The following SCCPDH variants were observed in gnomAD, a reference collection of about 807,000 sequenced individuals.
The protein encoded by SCCPDH is saccharopine dehydrogenase-like oxidoreductase.
SCCPDH carries 34 observed loss-of-function variants against 51.5 expected under a neutral mutation model. That is an observed-to-expected ratio of 0.66 (90% CI 0.50 to 0.88). The LOEUF is 0.88. Among genes scored for constraint, SCCPDH ranks in the 40% least tolerant of loss-of-function variants. The pLI is 0.00. For synonymous variants in SCCPDH, 187 were observed against 191.3 expected (o/e 0.98, Z 0.19); for missense variants, 464 against 527.1 (o/e 0.88, Z 1.17).
intron 5 of SCCPDH, among the ~76,000 whole-genome samples, chr1:246,748,907 G>A (rs1033495281): frequency 6.6e-6 from 1 of 152,208 alleles, no homozygotes; most frequent in Non-Finnish European, 1.5e-5. Context: ...ACCTGCTCGA[G>A]GATGAACAAG....
chr1:246,756,980 A>G (rs1419893643), intron 5 of SCCPDH, among the ~76,000 whole-genome samples: 1 of 152,238 alleles, frequency 6.6e-6, no homozygotes, highest in Non-Finnish European at 1.5e-5. Flanking sequence ...ATTATGTACA[A>G]TCAATATAAT....
chr1:246,735,136 C>T (rs753342974), intron 2 of SCCPDH, among the ~76,000 whole-genome samples: 16 of 152,186 alleles, frequency 1.1e-4, no homozygotes, highest in Non-Finnish European at 2.1e-4. Flanking sequence ...TCTTATACCA[C>T]TATCCTGTTT....
intron 2 of SCCPDH, among the ~76,000 whole-genome samples, chr1:246,732,338 G>A (rs1175593478): frequency 6.6e-6 from 1 of 152,004 alleles, no homozygotes; most frequent in Non-Finnish European, 1.5e-5. Context: ...TTAGGAAACT[G>A]AATTGATAAA....
chr1:246,750,486 G>A (rs1407310198), intron 5 of SCCPDH, among the ~76,000 whole-genome samples: 8 of 152,184 alleles, frequency 5.3e-5, no homozygotes, highest in Non-Finnish European at 8.8e-5. Flanking sequence ...CGAGTCTCTA[G>A]ACTAATTTGG....
At chr1:246,740,593 G>A (rs1210005144) in intron 4 of SCCPDH, among the ~76,000 whole-genome samples, 2 of 152,112 alleles carry the variant, frequency 1.3e-5, no homozygotes, top group African/African-American at 4.8e-5. Context: ...ATTCAAACTT[G>A]CTTTGTTTAG....
chr1:246,760,095 A>T lies in SCCPDH; in HGVS notation c.933+19A>T. ...CATAAAAGTAAGTAAGATTTTATGA[A>T]ATTAGATTATTTTTATTAGAAGTAT... is the stretch of plus-strand genomic sequence containing the variant. On this transcript the variant is annotated intron_variant, in intron 8 of 11. Coordinates refer to ENST00000366510, the MANE Select transcript of SCCPDH (RefSeq NM_016002.3). The T allele has an allele frequency of 1.2e-6, 2 of 1,601,378 alleles. No individual in the cohort carries two copies. The highest frequency in any genetic ancestry group is 1.7e-6 in the Non-Finnish European group (2 of 1,174,920).
At chr1:246,734,059 T>C (rs540309406) in intron 2 of SCCPDH, among the ~76,000 whole-genome samples, 1 of 152,198 alleles carries the variant, frequency 6.6e-6, no homozygotes, top group Non-Finnish European at 1.5e-5. Context: ...CTGTGAGGCT[T>C]ATTTACAATG....
chr1:246,726,996 G>C lies in SCCPDH; in HGVS notation c.295G>C (p.Val99Leu), dbSNP rs201201896. The C allele has an allele frequency of 6.2e-7, 1 of 1,602,106 alleles. No homozygotes were observed. The highest frequency in any genetic ancestry group is 1.1e-5 in the South Asian group (1 of 90,834). The change falls in exon 2 of 12, where the codon GTA (valine) becomes CTA (leucine). Residue 99 changes from valine to leucine, a missense_variant. Coordinates refer to ENST00000366510, the MANE Select transcript of SCCPDH (RefSeq NM_016002.3). Reference protein sequence around the residue: ...AKQATVVLNCVGPYRFYGEPV... With the variant: ...AKQATVVLNCLGPYRFYGEPV... ...ACAGGCAACAGTTGTCCTCAATTGC[G>C]TAGGACCAGTAAGTAATCAACCCTT... is the stretch of plus-strand genomic sequence containing the variant.
intron 5 of SCCPDH, among the ~76,000 whole-genome samples, chr1:246,756,790 G>T (rs1233093479): frequency 6.6e-6 from 1 of 152,178 alleles, no homozygotes; most frequent in Non-Finnish European, 1.5e-5. Flanking sequence ...AGGAAAACCT[G>T]AATCTTTGGA....
chr1:246,743,988 A>G (rs1398340262), intron 4 of SCCPDH, 88 bp from the exon 5 acceptor site: 1 of 744,634 alleles, frequency 1.3e-6, no homozygotes, highest in Non-Finnish European at 2.3e-6. Flanking sequence ...GCTAGTCCCT[A>G]AGTGAATACG....
At chr1:246,761,737 G>A (rs1669018613) in intron 9 of SCCPDH, among the ~76,000 whole-genome samples, 1 of 152,218 alleles carries the variant, frequency 6.6e-6, no homozygotes, top group Non-Finnish European at 1.5e-5. Flanking sequence ...ATTTCTTTAA[G>A]GGTGAATGAT....
chr1:246,727,603 CT>C (rs1404584804), intron 2 of SCCPDH, among the ~76,000 whole-genome samples: 2 of 152,302 alleles, frequency 1.3e-5, no homozygotes, highest in South Asian at 2.1e-4. Context: ...AGAAAAGGTC[CT>C]GGCATATTGG....
At chr1:246,763,565 T>C (rs4926448) in intron 9 of SCCPDH, among the ~76,000 whole-genome samples, 69,097 of 151,980 alleles carry the variant, frequency 0.45, 15,885 homozygotes, top group Admixed American at 0.5. Flanking sequence ...CCCTCTGCCC[T>C]GGTAGATTAA....
chr1:246,751,501 A>G (rs1668850235), intron 5 of SCCPDH, among the ~76,000 whole-genome samples: 1 of 151,728 alleles, frequency 6.6e-6, no homozygotes, highest in Admixed American at 6.6e-5. Flanking sequence ...GCCTCCTTAT[A>G]ATCCTTTTAC....
chr1:246,726,975 G>T lies in SCCPDH; in HGVS notation c.274G>T (p.Ala92Ser). ...CTCGCTTGATGAAATGGCTAAACAG[G>T]CAACAGTTGTCCTCAATTGCGTAGG... is the stretch of plus-strand genomic sequence containing the variant. ...PASLDEMAKQ[A>S]TVVLNCVGPY... Residue 92 changes from alanine to serine, a missense_variant, in exon 2 of 12, where the codon GCA becomes TCA. Physicochemically the swap from Ala to Ser is moderately conservative, Grantham distance 99. Transcript: ENST00000366510. 6.2e-7 allele frequency: 1 copy of T among 1,613,794 alleles called. No individual in the cohort carries two copies. The highest frequency in any genetic ancestry group is 8.5e-7 in the Non-Finnish European group (1 of 1,179,642).
chr1:246,738,947 G>A (rs891070138), intron 3 of SCCPDH, among the ~76,000 whole-genome samples: 4 of 152,212 alleles, frequency 2.6e-5, no homozygotes, highest in African/African-American at 9.7e-5. Flanking sequence ...CCACATTTAT[G>A]TGCAAGCAGC....
At chr1:246,751,109 TTTA>T (rs1326614920) in intron 5 of SCCPDH, among the ~76,000 whole-genome samples, 1 of 152,236 alleles carries the variant, frequency 6.6e-6, no homozygotes, top group Non-Finnish European at 1.5e-5. Flanking sequence ...AGCAACTGTT[TTTA>T]TTAATTTTTT....
intron 5 of SCCPDH, among the ~76,000 whole-genome samples, chr1:246,748,213 A>G (rs1668792488): frequency 6.6e-6 from 1 of 152,182 alleles, no homozygotes; most frequent in Non-Finnish European, 1.5e-5. Flanking sequence ...CCACGGATGC[A>G]CGGTATGACA....
chr1:246,731,992 C>G (rs1668499366), intron 2 of SCCPDH, among the ~76,000 whole-genome samples: 2 of 151,756 alleles, frequency 1.3e-5, no homozygotes, highest in Admixed American at 6.6e-5. Flanking sequence ...TGATAGTTTG[C>G]TCAGAATGAT....
Sources: gnomAD v4.1 joint callset for allele counts (sites outside exome capture counted in the v4.1 genomes callset) on GRCh38, gnomAD v4.1.1 for gene constraint, MANE v1.5 for transcripts, NCBI Gene and HGNC (gene_info 2026-07-23, HGNC 2026-07-21) for gene names.